CNTNAP2: variants seen among roughly 807,000 people sequenced by gnomAD.
CNTNAP2 encodes contactin associated protein 2, also known as contactin-associated protein-like 2.
A neutral mutation model predicts 155.2 loss-of-function variants in CNTNAP2; 98 were observed. The ratio of observed to expected loss-of-function variants is 0.63; its 90% CI spans 0.54 to 0.75. The LOEUF (loss-of-function observed/expected upper bound fraction) is 0.75. Among genes scored for constraint, CNTNAP2 ranks in the 30% least tolerant of loss-of-function variants. CNTNAP2 has a pLI of 0.00. For missense variants in CNTNAP2, 1,727 were observed against 1,688.1 expected (o/e 1.02, Z -0.40); for synonymous variants, 651 against 631.2 (o/e 1.03, Z -0.47).
intron 1 of CNTNAP2, among the ~76,000 whole-genome samples, chr7:146,312,181 C>T (rs974335221): frequency 9.9e-5 from 15 of 152,092 alleles, no homozygotes; most frequent in Admixed American, 2.6e-4. Context: ...TTTTTAACCT[C>T]GATCTCATTG....
At chr7:146,358,308 A>G (rs1795033721) in intron 1 of CNTNAP2, among the ~76,000 whole-genome samples, 1 of 152,124 alleles carries the variant, frequency 6.6e-6, no homozygotes, top group African/African-American at 2.4e-5. Context: ...TGCTGGGATT[A>G]CAGGCGTGAG....
chr7:147,840,394 T>TTAA (rs1235706848), intron 13 of CNTNAP2, among the ~76,000 whole-genome samples: 7 of 152,098 alleles, frequency 4.6e-5, no homozygotes, highest in Admixed American at 4.6e-4. Context: ...TTCTTCCCAG[T>TTAA]TAAGAACCAC....
chr7:147,958,634 A>G (rs770587827), intron 14 of CNTNAP2, among the ~76,000 whole-genome samples: 1 of 152,214 alleles, frequency 6.6e-6, no homozygotes, highest in African/African-American at 2.4e-5. Context: ...TAACTGAACT[A>G]TTACAGATTT....
intron 3 of CNTNAP2, among the ~76,000 whole-genome samples, chr7:147,043,463 A>T (rs372723974): frequency 1.3e-5 from 2 of 152,306 alleles, no homozygotes; most frequent in Admixed American, 1.3e-4. Context: ...AACGTGTTCA[A>T]TTGTTCTTCT....
chr7:148,031,585 A>G (rs1443835062), intron 15 of CNTNAP2, among the ~76,000 whole-genome samples: 1 of 152,246 alleles, frequency 6.6e-6, no homozygotes, highest in Non-Finnish European at 1.5e-5. Flanking sequence ...ATAGTATTCA[A>G]CAGAAGCAGA....
At chr7:146,547,845 G>GT (rs386411578) in intron 1 of CNTNAP2, among the ~76,000 whole-genome samples, 1,697 of 147,818 alleles carry the variant, frequency 0.011, 21 homozygotes, top group African/African-American at 0.034. Context: ...CTTTATCATG[G>GT]TTTTTTTTTT....
intron 1 of CNTNAP2, among the ~76,000 whole-genome samples, chr7:146,502,764 C>T (rs895629155): frequency 1.3e-5 from 2 of 152,030 alleles, no homozygotes; most frequent in African/African-American, 4.8e-5. Flanking sequence ...TGCAAGCGTG[C>T]ACCAACATGC....
At chr7:146,610,596 CAA>C (rs1343949163) in intron 1 of CNTNAP2, among the ~76,000 whole-genome samples, 1 of 152,106 alleles carries the variant, frequency 6.6e-6, no homozygotes, top group African/African-American at 2.4e-5. Flanking sequence ...CAAAATATGA[CAA>C]TATTTTAAAT....
chr7:147,773,159 A>G (rs1044058416), intron 13 of CNTNAP2, among the ~76,000 whole-genome samples: 5 of 152,198 alleles, frequency 3.3e-5, no homozygotes, highest in African/African-American at 1.2e-4. Flanking sequence ...GACTGAATTG[A>G]ACTCAACTGG....
At chr7:146,227,662 G>A (rs1428460712) in intron 1 of CNTNAP2, among the ~76,000 whole-genome samples, 1 of 152,168 alleles carries the variant, frequency 6.6e-6, no homozygotes, top group African/African-American at 2.4e-5. Context: ...ATAACCGGAA[G>A]AGTGCAGAGA....
At chr7:147,700,182 A>T (rs1173244760) in intron 13 of CNTNAP2, among the ~76,000 whole-genome samples, 3 of 152,202 alleles carry the variant, frequency 2.0e-5, no homozygotes, top group Admixed American at 6.5e-5. Flanking sequence ...TAGTTGTATT[A>T]AAAAAGTAAA....
chr7:148,199,740 T>A (rs1274443981), intron 18 of CNTNAP2, among the ~76,000 whole-genome samples: 1 of 152,176 alleles, frequency 6.6e-6, no homozygotes, highest in Non-Finnish European at 1.5e-5. Context: ...GTCAAGGTTC[T>A]CCAAAGAAAT....
intron 1 of CNTNAP2, among the ~76,000 whole-genome samples, chr7:146,648,441 C>T (rs1799851997): frequency 6.6e-6 from 1 of 152,010 alleles, no homozygotes; most frequent in African/African-American, 2.4e-5. Flanking sequence ...TTTTTACCTG[C>T]AAAGCAAAAA....
At chr7:147,663,159 C>T (rs534027650) in intron 13 of CNTNAP2, among the ~76,000 whole-genome samples, 22 of 140,430 alleles carry the variant, frequency 1.6e-4, no homozygotes, top group South Asian at 7.5e-4. Flanking sequence ...CAACCACGCC[C>T]GGCTAATTTT....
chr7:148,173,461 G>T (rs1794868260), intron 18 of CNTNAP2, among the ~76,000 whole-genome samples: 1 of 152,146 alleles, frequency 6.6e-6, no homozygotes, highest in African/African-American at 2.4e-5. Context: ...GTTTACACTG[G>T]CATTATTCAC....
intron 9 of CNTNAP2, among the ~76,000 whole-genome samples, chr7:147,307,776 A>G (rs1211010320): frequency 6.6e-6 from 1 of 152,136 alleles, no homozygotes; most frequent in African/African-American, 2.4e-5. Flanking sequence ...TGATGTTTTC[A>G]TTCATACTGT....
chr7:146,853,633 G>C (rs1794924035), intron 3 of CNTNAP2, among the ~76,000 whole-genome samples: 1 of 152,164 alleles, frequency 6.6e-6, no homozygotes, highest in South Asian at 2.1e-4. Flanking sequence ...TGAGAGGTAA[G>C]AGACCAGGCT....
intron 3 of CNTNAP2, among the ~76,000 whole-genome samples, chr7:146,974,573 G>A (rs961039737): frequency 3.9e-5 from 6 of 152,120 alleles, no homozygotes; most frequent in African/African-American, 9.7e-5. Context: ...GGTATGTGAC[G>A]ACTTGTAGGC....
At chr7:147,859,412 A>C (rs1799100164) in intron 13 of CNTNAP2, among the ~76,000 whole-genome samples, 1 of 125,218 alleles carries the variant, frequency 8.0e-6, no homozygotes, top group African/African-American at 3.5e-5. Flanking sequence ...TGTGCTGACA[A>C]GATCAAGACC....
Sources: gnomAD v4.1 joint callset for allele counts (sites outside exome capture counted in the v4.1 genomes callset) on GRCh38, gnomAD v4.1.1 for gene constraint, MANE v1.5 for transcripts, NCBI Gene and HGNC (gene_info 2026-07-23, HGNC 2026-07-21) for gene names.